Variants in SLC16A7 observed in about 807,000 individuals in gnomAD.
SLC16A7 encodes solute carrier family 16 member 7.
Under a neutral mutation model 34.9 loss-of-function variants are expected in SLC16A7, and 33 were observed. The ratio of observed to expected loss-of-function variants is 0.94; its 90% CI spans 0.72 to 1.26. The LOEUF (loss-of-function observed/expected upper bound fraction) is 1.26, where lower values mean the gene tolerates loss of function less well. Ranked by LOEUF, SLC16A7 falls within the 50% of genes most tolerant of loss-of-function variation. SLC16A7 has a pLI of 0.00. For synonymous variants in SLC16A7, 201 were observed against 206.6 expected, an observed-to-expected ratio of 0.97 and a Z score of 0.23; for missense variants, 573 against 578.1, an observed-to-expected ratio of 0.99 and a Z score of 0.09.
intron 1 of SLC16A7, among the ~76,000 whole-genome samples, chr12:59,615,122 C>T (rs572120303): frequency 6.6e-5 from 10 of 152,116 alleles, no homozygotes; most frequent in East Asian, 1.9e-4. Flanking sequence ...CTCAGTAGGA[C>T]GCAGCAACAA....
intron 3 of SLC16A7, among the ~76,000 whole-genome samples, chr12:59,766,438 G>T (rs1449663178): frequency 2.0e-5 from 3 of 152,092 alleles, no homozygotes; most frequent in African/African-American, 7.2e-5. Flanking sequence ...TCCAGTTTTT[G>T]CCCATTCAGT....
intron 2 of SLC16A7, among the ~76,000 whole-genome samples, chr12:59,663,202 C>T (rs1447859120): frequency 6.6e-6 from 1 of 151,702 alleles, no homozygotes; most frequent in Admixed American, 6.6e-5. Context: ...TTGTATTTCT[C>T]TTCTTATTTA....
chr12:59,661,041 T>A (rs1161150888), intron 2 of SLC16A7, among the ~76,000 whole-genome samples: 3 of 152,120 alleles, frequency 2.0e-5, no homozygotes, highest in African/African-American at 4.8e-5. Flanking sequence ...CCCGATCATA[T>A]TACATTTTAT....
At chr12:59,746,813 G>GT (rs1407042470) in intron 3 of SLC16A7, among the ~76,000 whole-genome samples, 2 of 152,118 alleles carry the variant, frequency 1.3e-5, no homozygotes, top group Admixed American at 1.3e-4. Flanking sequence ...GCAATAGTGT[G>GT]TTTTTTTACT....
At chr12:59,736,784 C>T (rs943573202) in intron 3 of SLC16A7, among the ~76,000 whole-genome samples, 4 of 152,190 alleles carry the variant, frequency 2.6e-5, no homozygotes, top group African/African-American at 7.2e-5. Flanking sequence ...CATCTGTCCT[C>T]CTTATGCATA....
intron 3 of SLC16A7, among the ~76,000 whole-genome samples, chr12:59,735,525 A>C (rs1238322410): frequency 6.6e-6 from 1 of 152,170 alleles, no homozygotes; most frequent in Admixed American, 6.5e-5. Context: ...TGTTTGTGGT[A>C]GGTTTTATTT....
chr12:59,672,582 C>T (rs1431438615), intron 2 of SLC16A7, among the ~76,000 whole-genome samples: 1 of 151,878 alleles, frequency 6.6e-6, no homozygotes, highest in Non-Finnish European at 1.5e-5. Flanking sequence ...GATGCTTCTT[C>T]TTCTTGTTGA....
intron 1 of SLC16A7, among the ~76,000 whole-genome samples, chr12:59,646,412 G>A (rs539445041): frequency 1.3e-5 from 2 of 152,344 alleles, no homozygotes; most frequent in Non-Finnish European, 2.9e-5. Context: ...AGGCTTGGAA[G>A]CTTCCACATG....
chr12:59,613,768 C>G (rs574953655), intron 1 of SLC16A7, among the ~76,000 whole-genome samples: 1 of 152,144 alleles, frequency 6.6e-6, no homozygotes, highest in Non-Finnish European at 1.5e-5. Flanking sequence ...GAGCATGGAA[C>G]ATCTGTGTTT....
intron 2 of SLC16A7, among the ~76,000 whole-genome samples, chr12:59,691,889 A>G (rs1346808015): frequency 6.6e-6 from 1 of 152,032 alleles, no homozygotes; most frequent in Admixed American, 6.6e-5. Flanking sequence ...TGCCTACAAG[A>G]AAAACATCTT....
intron 2 of SLC16A7, 53 bp from the exon 3 acceptor site, chr12:59,704,719 G>A (rs1873359306): frequency 9.8e-6 from 9 of 915,188 alleles, no homozygotes; most frequent in African/African-American, 1.7e-5. Flanking sequence ...ATGAAGAGTG[G>A]TAAACAAAAG....
chr12:59,655,228 C>T lies in SLC16A7; in HGVS notation c.-53C>T, dbSNP rs1868474796. ...CTGGGGAACCAAAGACTCTGGGACT[C>T]TTGGTGCCAACAGAGTTACTCTGTG... is the stretch of plus-strand genomic sequence containing the variant. On this transcript the variant is annotated 5_prime_UTR_variant, in exon 2 of 6. Coordinates refer to ENST00000547379, the MANE Select transcript of SLC16A7 (RefSeq NM_001270623.2). 1 of 151,930 alleles carries T rather than the reference C, an allele frequency of 6.6e-6. No homozygotes were observed. The highest frequency in any genetic ancestry group is 1.5e-5 in the Non-Finnish European group (1 of 67,920). 9.4% of individuals were successfully genotyped at this position (151,930 alleles called of 1,614,324 possible).
intron 3 of SLC16A7, among the ~76,000 whole-genome samples, chr12:59,766,218 A>C (rs1365813537): frequency 1.3e-5 from 2 of 152,336 alleles, no homozygotes; most frequent in Admixed American, 6.5e-5. Context: ...TATCAGCTTA[A>C]GGAGATTTTG....
chr12:59,600,950 A>T (rs1275831711), intron 1 of SLC16A7, among the ~76,000 whole-genome samples: 1 of 152,242 alleles, frequency 6.6e-6, no homozygotes, highest in Admixed American at 6.5e-5. Context: ...CGACAGCTAC[A>T]AGATACTGGC....
At chr12:59,700,941 C>G (rs768485914) in intron 2 of SLC16A7, among the ~76,000 whole-genome samples, 4 of 151,640 alleles carry the variant, frequency 2.6e-5, no homozygotes, top group Admixed American at 6.6e-5. Context: ...TCTTATATTA[C>G]TCTTGTGAGG....
At chr12:59,607,221 T>C (rs989803348) in intron 1 of SLC16A7, among the ~76,000 whole-genome samples, 1 of 152,116 alleles carries the variant, frequency 6.6e-6, no homozygotes, top group Admixed American at 6.6e-5. Context: ...GATGGAGGAA[T>C]CAAAGAAGAC....
At chr12:59,663,342 GTC>G in intron 2 of SLC16A7, among the ~76,000 whole-genome samples, 2 of 148,638 alleles carry the variant, frequency 1.3e-5, no homozygotes, top group Middle Eastern at 3.5e-3. Context: ...ATAAAATTGA[GTC>G]TTATTTTCAT....
At chr12:59,602,486 T>TTTC (rs1250028475) in intron 1 of SLC16A7, among the ~76,000 whole-genome samples, 75 of 143,790 alleles carry the variant, frequency 5.2e-4, no homozygotes, top group Non-Finnish European at 9.9e-4. Context: ...GGGCTTTTTT[T>TTTC]TTTTTTTTTT....
chr12:59,665,802 T>C (rs1565637296), intron 2 of SLC16A7, among the ~76,000 whole-genome samples: 1 of 145,370 alleles, frequency 6.9e-6, no homozygotes, highest in Non-Finnish European at 1.5e-5. Flanking sequence ...CTTTTATATA[T>C]ATAACACGTG....
Sources: gnomAD v4.1 joint callset for allele counts (sites outside exome capture counted in the v4.1 genomes callset) on GRCh38, gnomAD v4.1.1 for gene constraint, MANE v1.5 for transcripts, NCBI Gene and HGNC (gene_info 2026-07-23, HGNC 2026-07-21) for gene names.